Variants in RORA observed in about 807,000 individuals in gnomAD.
The protein encoded by RORA is RAR related orphan receptor A.
A neutral mutation model predicts 69.5 loss-of-function variants in RORA; 7 were observed. The ratio of observed to expected loss-of-function variants is 0.10; its 90% CI spans 0.06 to 0.19. The LOEUF (loss-of-function observed/expected upper bound fraction) is 0.19, where lower values mean the gene tolerates loss of function less well. Ranked by LOEUF, RORA falls within the 10% of genes least tolerant of loss-of-function variation. The pLI is 1.00. For missense variants in RORA, 457 were observed against 663.0 expected, an observed-to-expected ratio of 0.69 and a Z score of 3.41; for synonymous variants, 261 against 240.8, an observed-to-expected ratio of 1.08 and a Z score of -0.78.
chr15:60,760,616 A>G (rs117628990), intron 1 of RORA, among the ~76,000 whole-genome samples: 5,265 of 152,302 alleles, frequency 0.035, 126 homozygotes, highest in Non-Finnish European at 0.051. Flanking sequence ...GCATTAAAAT[A>G]TAAACAGAGC....
chr15:61,151,855 C>T (rs139265758), intron 1 of RORA, among the ~76,000 whole-genome samples: 1 of 152,258 alleles, frequency 6.6e-6, no homozygotes, highest in Non-Finnish European at 1.5e-5. Context: ...GGAAAAAAAA[C>T]CTAAATTCTG....
At chr15:61,005,863 C>A (rs1178451712) in intron 1 of RORA, among the ~76,000 whole-genome samples, 1 of 152,180 alleles carries the variant, frequency 6.6e-6, no homozygotes, top group Non-Finnish European at 1.5e-5. Context: ...TATGTGTGTA[C>A]ATGTGCCTTC....
At chr15:60,645,022 C>T (rs2070012928) in intron 2 of RORA, among the ~76,000 whole-genome samples, 1 of 152,128 alleles carries the variant, frequency 6.6e-6, no homozygotes, top group Non-Finnish European at 1.5e-5. Context: ...TTGATTTTCC[C>T]TTTATTGCCA....
At chr15:60,965,234 G>A (rs1428935068) in intron 1 of RORA, among the ~76,000 whole-genome samples, 1 of 152,098 alleles carries the variant, frequency 6.6e-6, no homozygotes, top group African/African-American at 2.4e-5. Flanking sequence ...ACCAGTTTTT[G>A]ACATCTTGGA....
At chr15:60,516,017 A>T (rs1350408980) in intron 3 of RORA, among the ~76,000 whole-genome samples, 8 of 14,294 alleles carry the variant, frequency 5.6e-4, no homozygotes, top group Non-Finnish European at 7.5e-4. Flanking sequence ...ATATTTATAT[A>T]TATTTATATA....
At chr15:60,986,610 G>A (rs1284054669) in intron 1 of RORA, among the ~76,000 whole-genome samples, 2 of 152,150 alleles carry the variant, frequency 1.3e-5, no homozygotes, top group African/African-American at 4.8e-5. Context: ...AGGTTATCAG[G>A]GACAGGGTGA....
At chr15:61,172,301 G>A (rs1028039274) in intron 1 of RORA, among the ~76,000 whole-genome samples, 3 of 152,078 alleles carry the variant, frequency 2.0e-5, no homozygotes, top group Non-Finnish European at 2.9e-5. Context: ...TAAATACCAC[G>A]TATTTCATTA....
At chr15:60,667,730 C>T (rs1307201728) in intron 2 of RORA, among the ~76,000 whole-genome samples, 1 of 152,118 alleles carries the variant, frequency 6.6e-6, no homozygotes, top group African/African-American at 2.4e-5. Context: ...AGCAATCTTT[C>T]CACCTCAGCA....
At chr15:61,207,026 C>T (rs1375272672) in intron 1 of RORA, among the ~76,000 whole-genome samples, 1 of 152,112 alleles carries the variant, frequency 6.6e-6, no homozygotes, top group Non-Finnish European at 1.5e-5. Context: ...TGCTGGCTTT[C>T]GTAGGCCTCA....
At chr15:60,675,224 G>A (rs1444375654) in intron 2 of RORA, among the ~76,000 whole-genome samples, 1 of 152,204 alleles carries the variant, frequency 6.6e-6, no homozygotes, top group African/African-American at 2.4e-5. Context: ...CACAGCAGCT[G>A]ATTCCGAAAA....
chr15:60,577,196 T>G (rs1206766367), intron 2 of RORA, among the ~76,000 whole-genome samples: 2 of 152,258 alleles, frequency 1.3e-5, no homozygotes, highest in Non-Finnish European at 2.9e-5. Flanking sequence ...TTTAATATAA[T>G]TTATAGCTCA....
chr15:61,084,323 A>G (rs1442180128), intron 1 of RORA, among the ~76,000 whole-genome samples: 1 of 152,216 alleles, frequency 6.6e-6, no homozygotes, highest in Non-Finnish European at 1.5e-5. Context: ...TCAGGAAAAT[A>G]AAAACCTAGG....
At position 60,488,842 on chromosome 15, in the gene RORA, T is replaced by G. The variant is rs1406278099; in HGVS notation, c.*8613A>C. 2 of 151,718 alleles carry G rather than the reference T, an allele frequency of 1.3e-5. No homozygotes were observed. Among genetic ancestry groups the G allele is most frequent in the Non-Finnish European group, 2.9e-5 (2 of 67,878 alleles). The allele number at this position is 151,718 out of a possible 1,614,324, so 9.4% of individuals were successfully genotyped here. A position where few individuals can be genotyped will look rare whatever the true frequency, so the allele number is the denominator to read the frequency against. ...TTTGTGAAATTTGTGTGCTTAATCC[T>G]CAAGACCTACACACAATTAGAATCA... On this transcript the variant is annotated 3_prime_UTR_variant, in exon 11 of 11. Transcript: ENST00000335670.
chr15:60,858,002 A>C (rs1342501934), intron 1 of RORA, among the ~76,000 whole-genome samples: 4 of 152,232 alleles, frequency 2.6e-5, no homozygotes, highest in Non-Finnish European at 5.9e-5. Flanking sequence ...TTTGCAACCC[A>C]AGTTTGGAAC....
At chr15:60,944,167 G>A (rs1218169125) in intron 1 of RORA, among the ~76,000 whole-genome samples, 3 of 152,058 alleles carry the variant, frequency 2.0e-5, no homozygotes, top group African/African-American at 7.2e-5. Context: ...AAAAGCACCT[G>A]GGGAGCTTTA....
chr15:61,202,913 A>C (rs1384407829), intron 1 of RORA, among the ~76,000 whole-genome samples: 1 of 152,216 alleles, frequency 6.6e-6, no homozygotes, highest in Non-Finnish European at 1.5e-5. Context: ...AACCCAAGAA[A>C]CACAGTACTC....
intron 2 of RORA, among the ~76,000 whole-genome samples, chr15:60,670,068 G>A (rs759386768): frequency 2.6e-5 from 4 of 152,022 alleles, no homozygotes; most frequent in Admixed American, 6.6e-5. Flanking sequence ...CTCAGACCCC[G>A]ATATTACAGG....
intron 1 of RORA, among the ~76,000 whole-genome samples, chr15:61,164,154 A>G (rs568664105): frequency 6.6e-6 from 1 of 152,172 alleles, no homozygotes; most frequent in Non-Finnish European, 1.5e-5. Flanking sequence ...AAAAAAAAAA[A>G]AACATGTGGA....
intron 5 of RORA, among the ~76,000 whole-genome samples, chr15:60,509,482 C>T (rs2141307501): frequency 6.6e-6 from 1 of 152,320 alleles, no homozygotes; most frequent in South Asian, 2.1e-4. Context: ...ATCGGCTCAG[C>T]CATTTCTGGC....
Sources: gnomAD v4.1 joint callset for allele counts (sites outside exome capture counted in the v4.1 genomes callset) on GRCh38, gnomAD v4.1.1 for gene constraint, MANE v1.5 for transcripts, NCBI Gene and HGNC (gene_info 2026-07-23, HGNC 2026-07-21) for gene names.